Variants in PCDH9 observed in about 807,000 individuals in gnomAD.
PCDH9 encodes the protein protocadherin-9.
A neutral mutation model predicts 70.6 loss-of-function variants in PCDH9; 24 were observed. The observed-to-expected ratio is 0.34, with a 90% CI of 0.25 to 0.48. PCDH9 has a LOEUF of 0.48. PCDH9 is among the 20% of genes least tolerant of loss of function. The pLI is 0.99. For synonymous variants in PCDH9, 562 were observed against 558.5 expected, an observed-to-expected ratio of 1.01 and a Z score of -0.09; for missense variants, 1,281 against 1,503.6, an observed-to-expected ratio of 0.85 and a Z score of 2.45.
At chr13:67,160,398 T>A (rs967282503) in intron 2 of PCDH9, among the ~76,000 whole-genome samples, 4 of 151,674 alleles carry the variant, frequency 2.6e-5, no homozygotes, top group East Asian at 1.9e-4. Flanking sequence ...ACAAAAAAAA[T>A]TAGCCGGGCG....
chr13:66,962,507 T>C (rs1297931724), intron 2 of PCDH9, among the ~76,000 whole-genome samples: 1 of 152,218 alleles, frequency 6.6e-6, no homozygotes, highest in Non-Finnish European at 1.5e-5. Context: ...CTAGATGGGA[T>C]AGCCCACTAT....
chr13:66,937,308 T>C (rs749772717), intron 2 of PCDH9, among the ~76,000 whole-genome samples: 60 of 152,246 alleles, frequency 3.9e-4, no homozygotes, highest in Admixed American at 4.6e-4. Context: ...GGAGTTGTAG[T>C]ATCAACTTTC....
chr13:66,694,044 A>G (rs2078524685), intron 3 of PCDH9, among the ~76,000 whole-genome samples: 1 of 152,252 alleles, frequency 6.6e-6, no homozygotes, highest in Non-Finnish European at 1.5e-5. Flanking sequence ...GGGATATCCC[A>G]GCTGAGAAAG....
intron 4 of PCDH9, among the ~76,000 whole-genome samples, chr13:66,594,127 T>C (rs1281331441): frequency 6.6e-6 from 1 of 151,800 alleles, no homozygotes; most frequent in Non-Finnish European, 1.5e-5. Flanking sequence ...TGGGACAGAA[T>C]ATTTTTTGAA....
chr13:67,151,793 A>G (rs2087669191), intron 2 of PCDH9, among the ~76,000 whole-genome samples: 1 of 152,068 alleles, frequency 6.6e-6, no homozygotes, highest in Non-Finnish European at 1.5e-5. Context: ...GAGGCCTCAT[A>G]AAGGACTCAG....
intron 4 of PCDH9, among the ~76,000 whole-genome samples, chr13:66,447,527 C>G (rs577984172): frequency 6.6e-6 from 1 of 152,084 alleles, no homozygotes; most frequent in Non-Finnish European, 1.5e-5. Flanking sequence ...ATTTGGCAAT[C>G]TTTTCTACTT....
Position 66,324,158 on chromosome 13 carries a change from A to G in PCDH9, c.3341-19130T>C, listed in dbSNP as rs192806757. Among the ~76,000 whole-genome samples, 528 of 152,152 alleles carry G rather than the reference A, an allele frequency of 3.5e-3. 7 individuals carry two copies. The highest frequency in any genetic ancestry group is 0.012 in the African/African-American group (502 of 41,426). ...TGTGAGCAGAGTACTGTAGACCAAG[A>G]CAGCAAACTGTGAAAGACCATGGGA... On this transcript the variant is annotated intron_variant, in intron 4 of 4. Coordinates refer to ENST00000377865, the MANE Select transcript of PCDH9 (RefSeq NM_203487.3).
At chr13:66,307,941 T>C (rs534380020) in intron 4 of PCDH9, among the ~76,000 whole-genome samples, 11 of 152,232 alleles carry the variant, frequency 7.2e-5, no homozygotes, top group Admixed American at 6.6e-4. Flanking sequence ...ACAACATTTA[T>C]TTATTCCACG....
At chr13:66,374,201 T>A (rs569588490) in intron 4 of PCDH9, among the ~76,000 whole-genome samples, 2 of 152,184 alleles carry the variant, frequency 1.3e-5, no homozygotes, top group South Asian at 2.1e-4. Context: ...TGTATATTTA[T>A]ATGAATATAA....
At chr13:66,675,811 G>A (rs2078235016) in intron 3 of PCDH9, among the ~76,000 whole-genome samples, 1 of 152,108 alleles carries the variant, frequency 6.6e-6, no homozygotes, top group African/African-American at 2.4e-5. Flanking sequence ...GGACTTTGTA[G>A]CTCTGTTGAC....
intron 4 of PCDH9, among the ~76,000 whole-genome samples, chr13:66,521,989 C>T (rs1347246619): frequency 1.3e-5 from 2 of 148,582 alleles, no homozygotes; most frequent in Non-Finnish European, 3.0e-5. Context: ...GCCTGAGTGA[C>T]AAAGTGAGAC....
intron 4 of PCDH9, among the ~76,000 whole-genome samples, chr13:66,399,474 G>A (rs1226187886): frequency 6.6e-6 from 1 of 152,148 alleles, no homozygotes; most frequent in African/African-American, 2.4e-5. Context: ...AGGAAACTGG[G>A]AAAAGAAGTT....
chr13:66,316,482 C>T (rs1955653440), intron 4 of PCDH9, among the ~76,000 whole-genome samples: 1 of 152,184 alleles, frequency 6.6e-6, no homozygotes, highest in African/African-American at 2.4e-5. Flanking sequence ...TCATACCTCA[C>T]TTCTTTCCCT....
At chr13:66,624,799 G>A (rs1318992073) in intron 4 of PCDH9, among the ~76,000 whole-genome samples, 2 of 152,120 alleles carry the variant, frequency 1.3e-5, no homozygotes, top group African/African-American at 2.4e-5. Flanking sequence ...CCATACTTGT[G>A]TACAGTGTAT....
At chr13:66,498,882 T>G (rs1255290231) in intron 4 of PCDH9, among the ~76,000 whole-genome samples, 1 of 151,748 alleles carries the variant, frequency 6.6e-6, no homozygotes, top group Non-Finnish European at 1.5e-5. Flanking sequence ...AAGTTGTTTT[T>G]CACCAACAGA....
intron 2 of PCDH9, among the ~76,000 whole-genome samples, chr13:67,093,549 G>A (rs1181640987): frequency 6.6e-6 from 1 of 152,108 alleles, no homozygotes; most frequent in South Asian, 2.1e-4. Context: ...ACACCTTGGA[G>A]TAACAGATTT....
chr13:66,634,862 T>C (rs1324608737), intron 3 of PCDH9, among the ~76,000 whole-genome samples: 4 of 152,164 alleles, frequency 2.6e-5, no homozygotes, highest in African/African-American at 9.7e-5. Context: ...TGCCTCACCA[T>C]GCAACCTATT....
chr13:67,122,752 G>A (rs897100233), intron 2 of PCDH9, among the ~76,000 whole-genome samples: 3 of 142,472 alleles, frequency 2.1e-5, no homozygotes, highest in Non-Finnish European at 3.0e-5. Context: ...CCAGCCTGGC[G>A]ACAGAGCAAG....
chr13:66,824,692 A>ATATATATATG (rs1316094273), intron 3 of PCDH9, among the ~76,000 whole-genome samples: 17 of 131,028 alleles, frequency 1.3e-4, no homozygotes, highest in African/African-American at 5.2e-4. Context: ...ATATATATAT[A>ATATATATATG]TATATGCACA....
Sources: gnomAD v4.1 joint callset for allele counts (sites outside exome capture counted in the v4.1 genomes callset) on GRCh38, gnomAD v4.1.1 for gene constraint, MANE v1.5 for transcripts, NCBI Gene and HGNC (gene_info 2026-07-23, HGNC 2026-07-21) for gene names.